Variants in CRYZL1 observed in about 807,000 individuals in gnomAD.
CRYZL1 encodes the protein ferry endosomal RAB5 effector complex subunit 4.
A neutral mutation model predicts 50.6 loss-of-function variants in CRYZL1; 34 were observed. That is an observed-to-expected ratio of 0.67 (90% confidence interval 0.51 to 0.89). The LOEUF is 0.89. Ranked by LOEUF, CRYZL1 falls within the 40% of genes least tolerant of loss-of-function variation. The pLI is 0.00. For synonymous variants in CRYZL1, 125 were observed against 134.3 expected (o/e 0.93, Z 0.48); for missense variants, 354 against 402.3 (o/e 0.88, Z 1.03).
At chr21:33,626,546 A>G (rs2087065789) in intron 2 of CRYZL1, among the ~76,000 whole-genome samples, 1 of 151,828 alleles carries the variant, frequency 6.6e-6, no homozygotes, top group Non-Finnish European at 1.5e-5. Flanking sequence ...AAAATACAAA[A>G]AATAGCTGGG....
intron 1 of CRYZL1, among the ~76,000 whole-genome samples, chr21:33,638,617 G>A (rs2087239887): frequency 2.0e-5 from 3 of 152,202 alleles, no homozygotes; most frequent in Admixed American, 2.0e-4. Context: ...AGGACACTTT[G>A]CACTAGCAAT....
At chr21:33,618,131 T>C (rs1181214039) in intron 4 of CRYZL1, among the ~76,000 whole-genome samples, 1 of 151,100 alleles carries the variant, frequency 6.6e-6, no homozygotes, top group Non-Finnish European at 1.5e-5. Flanking sequence ...CTACTAAAAA[T>C]ACAAAAAATT....
chr21:33,616,075 T>TCCCCCCCCCCCA (rs966818109), intron 5 of CRYZL1, among the ~76,000 whole-genome samples: 1 of 146,002 alleles, frequency 6.8e-6, no homozygotes, highest in African/African-American at 2.5e-5. Context: ...ATGCTATCCC[T>TCCCCCCCCCCCA]CCCCCCCCCA....
intron 1 of CRYZL1, among the ~76,000 whole-genome samples, chr21:33,636,780 C>G (rs1445692889): frequency 6.6e-6 from 1 of 152,186 alleles, no homozygotes; most frequent in African/African-American, 2.4e-5. Flanking sequence ...ACTTGCTCCT[C>G]TGTTACACTC....
chr21:33,626,124 T>C (rs1347507792), intron 2 of CRYZL1, among the ~76,000 whole-genome samples: 1 of 151,544 alleles, frequency 6.6e-6, no homozygotes, highest in Non-Finnish European at 1.5e-5. Context: ...TGGCTAATTT[T>C]TTTTTGTATT....
At chr21:33,630,425 A>G (rs1346164064) in intron 2 of CRYZL1, among the ~76,000 whole-genome samples, 2 of 152,118 alleles carry the variant, frequency 1.3e-5, no homozygotes, top group Non-Finnish European at 2.9e-5. Flanking sequence ...GTCTCTACTA[A>G]AAATACAAAA....
In CRYZL1 at chr21:33,591,172, CA is replaced by C. The variant is rs1003875870; in HGVS notation, c.939del (p.Gly314ValfsTer47). 1 of 1,608,934 alleles carries C rather than the reference CA, an allele frequency of 6.2e-7. No homozygotes were observed. The highest frequency in any genetic ancestry group is 1.3e-5 in the African/African-American group (1 of 74,800). ...ILKDVMEKLS[T>X]GVFRPQLDEP... is the part of the protein sequence containing the mutation. ...GTTACTTTAGCGTACCTGAAAACACCAGTTGATAACTTCTCCATCACATCCT... is the reference window on the plus strand; with the variant it reads ...GTTACTTTAGCGTACCTGAAAACACCGTTGATAACTTCTCCATCACATCCT... On this transcript the variant is annotated frameshift_variant, in exon 12 of 13. Coordinates refer to ENST00000381554, the MANE Select transcript of CRYZL1 (RefSeq NM_145858.3). LOFTEE classifies it high-confidence loss of function.
At chr21:33,619,093 A>G (rs1431288710) in intron 4 of CRYZL1, among the ~76,000 whole-genome samples, 1 of 152,138 alleles carries the variant, frequency 6.6e-6, no homozygotes, top group Non-Finnish European at 1.5e-5. Flanking sequence ...ATAAATCTAA[A>G]CTCATAATAT....
chr21:33,626,120 A>AT (rs1052826881), intron 2 of CRYZL1, among the ~76,000 whole-genome samples: 4 of 150,408 alleles, frequency 2.7e-5, no homozygotes, highest in Admixed American at 6.6e-5. Context: ...TGCCTGGCTA[A>AT]TTTTTTTTTG....
At chr21:33,625,455 G>A (rs2087050716) in intron 2 of CRYZL1, among the ~76,000 whole-genome samples, 1 of 151,614 alleles carries the variant, frequency 6.6e-6, no homozygotes, top group Non-Finnish European at 1.5e-5. Flanking sequence ...ACGCCCAGCA[G>A]GCCTTTACTA....
At chr21:33,614,331 A>G (rs2086904758) in intron 5 of CRYZL1, among the ~76,000 whole-genome samples, 1 of 151,494 alleles carries the variant, frequency 6.6e-6, no homozygotes, top group Non-Finnish European at 1.5e-5. Flanking sequence ...CAGAAGAAAA[A>G]TTTAAAGATT....
intron 7 of CRYZL1, 41 bp downstream of exon 7, chr21:33,603,363 T>C: frequency 1.9e-6 from 3 of 1,602,434 alleles, no homozygotes; most frequent in Non-Finnish European, 8.5e-7. Context: ...CTAAGTTTAC[T>C]GTATGCTTGT....
At chr21:33,610,029 T>C (rs2086854788) in intron 6 of CRYZL1, among the ~76,000 whole-genome samples, 1 of 151,280 alleles carries the variant, frequency 6.6e-6, no homozygotes, top group African/African-American at 2.4e-5. Flanking sequence ...TACAAAATTT[T>C]ATTTGCTGGT....
At chr21:33,609,804 G>C (rs963625715) in intron 6 of CRYZL1, among the ~76,000 whole-genome samples, 12 of 151,324 alleles carry the variant, frequency 7.9e-5, no homozygotes, top group Admixed American at 7.9e-4. Flanking sequence ...CCAGGTTCAC[G>C]CCATTCTCCT....
At chr21:33,599,390 G>T in intron 8 of CRYZL1, 142 bp from the exon 9 acceptor site, 2 of 1,135,158 alleles carry the variant, frequency 1.8e-6, no homozygotes, top group Non-Finnish European at 2.6e-6. Flanking sequence ...GAATTTAAAG[G>T]GAGAAAGTCA....
At chr21:33,632,438 C>T (rs1309910810) in intron 1 of CRYZL1, among the ~76,000 whole-genome samples, 6 of 151,814 alleles carry the variant, frequency 4.0e-5, no homozygotes, top group Non-Finnish European at 8.8e-5. Context: ...AGTGTAGTGG[C>T]ACGATCTTGG....
At chr21:33,623,630 C>T (rs200803624) in intron 3 of CRYZL1, among the ~76,000 whole-genome samples, 2 of 152,118 alleles carry the variant, frequency 1.3e-5, no homozygotes, top group East Asian at 3.9e-4. Flanking sequence ...CCAGTGAAAG[C>T]CTATACCTGG....
intron 6 of CRYZL1, among the ~76,000 whole-genome samples, chr21:33,610,003 CTT>C (rs35773163): frequency 1.2e-4 from 16 of 136,048 alleles, no homozygotes; most frequent in East Asian, 2.1e-4. Context: ...CATGCCTAGC[CTT>C]TTTTTTTTTT....
At chr21:33,591,228 G>A (rs1334798543) in intron 11 of CRYZL1, 21 bp from the exon 12 acceptor site, 6 of 1,597,836 alleles carry the variant, frequency 3.8e-6, no homozygotes, top group Middle Eastern at 1.7e-4. Context: ...GGATTGTTAA[G>A]GTGGCAATGT....
Sources: gnomAD v4.1 joint callset for allele counts (sites outside exome capture counted in the v4.1 genomes callset) on GRCh38, gnomAD v4.1.1 for gene constraint, MANE v1.5 for transcripts, NCBI Gene and HGNC (gene_info 2026-07-23, HGNC 2026-07-21) for gene names.